Variants in GTF2H1 observed in about 807,000 individuals in gnomAD.
GTF2H1 encodes BTF2 p62.
In GTF2H1, 16 loss-of-function variants were observed where a neutral mutation model predicts 71.2. The ratio of observed to expected loss-of-function variants is 0.22; its 90% confidence interval spans 0.15 to 0.34. The LOEUF (loss-of-function observed/expected upper bound fraction) is 0.34, where lower values mean the gene tolerates loss of function less well. Among genes scored for constraint, GTF2H1 ranks in the 10% least tolerant of loss-of-function variants. GTF2H1 has a pLI of 1.00. For missense variants in GTF2H1, 498 were observed against 648.2 expected, an observed-to-expected ratio of 0.77 and a Z score of 2.52; for synonymous variants, 215 against 219.0, an observed-to-expected ratio of 0.98 and a Z score of 0.16.
intron 1 of GTF2H1, among the ~76,000 whole-genome samples, chr11:18,331,186 A>C (rs1864886744): frequency 6.6e-6 from 1 of 152,052 alleles, no homozygotes; most frequent in Non-Finnish European, 1.5e-5. Context: ...CATTCCAAGT[A>C]GCTGGGACTG....
rs11024628 is a variant in GTF2H1 at position 18,366,415 on chromosome 11, G to A, written c.*546G>A. ...TGAATTCCAATTATACCTTACATCAGCAAGTTAAAAAAAGTACTTTAAAAT... is the reference window on the plus strand; with the variant it reads ...TGAATTCCAATTATACCTTACATCAACAAGTTAAAAAAAGTACTTTAAAAT... On this transcript the variant is annotated 3_prime_UTR_variant, in exon 15 of 15. Coordinates refer to ENST00000265963, the MANE Select transcript of GTF2H1 (RefSeq NM_005316.4). 1 of 152,360 alleles carries A rather than the reference G, an allele frequency of 6.6e-6. No homozygotes were observed. Among genetic ancestry groups the A allele is most frequent in the African/African-American group, 2.4e-5 (1 of 41,370 alleles). The allele number at this position is 152,360 out of a possible 1,614,324, so 9.4% of individuals were successfully genotyped here.
intron 13 of GTF2H1, among the ~76,000 whole-genome samples, chr11:18,359,476 A>G (rs921845557): frequency 6.6e-6 from 1 of 152,234 alleles, no homozygotes; most frequent in African/African-American, 2.4e-5. Context: ...CAAGTAGCCA[A>G]GAGTCCTTTC....
intron 13 of GTF2H1, among the ~76,000 whole-genome samples, chr11:18,359,628 G>A (rs1485346324): frequency 2.0e-5 from 3 of 152,278 alleles, no homozygotes; most frequent in Non-Finnish European, 2.9e-5. Context: ...CTAAGATAGA[G>A]GAAATGGCCT....
At chr11:18,354,915 C>T (rs1329140062) in intron 11 of GTF2H1, among the ~76,000 whole-genome samples, 3 of 151,276 alleles carry the variant, frequency 2.0e-5, no homozygotes, top group Non-Finnish European at 2.9e-5. Context: ...CTCAAGCGAT[C>T]CTCCCACCTC....
intron 14 of GTF2H1, among the ~76,000 whole-genome samples, chr11:18,363,050 A>G (rs190529516): frequency 4.6e-5 from 7 of 152,074 alleles, no homozygotes; most frequent in African/African-American, 1.7e-4. Flanking sequence ...GCCTAGGCCT[A>G]CACAGAGTCA....
chr11:18,362,355 T>C (rs144963461), intron 14 of GTF2H1, among the ~76,000 whole-genome samples: 3 of 152,308 alleles, frequency 2.0e-5, no homozygotes, highest in African/African-American at 7.2e-5. Context: ...AGTGAGTGAA[T>C]GTGAAGGCCT....
chr11:18,356,840 A>C (rs1590198075), intron 11 of GTF2H1, among the ~76,000 whole-genome samples: 1 of 134,280 alleles, frequency 7.4e-6, no homozygotes, highest in African/African-American at 2.8e-5. Context: ...CCCAGGCTGG[A>C]GTGCAGTGAC....
intron 1 of GTF2H1, among the ~76,000 whole-genome samples, chr11:18,326,602 C>T (rs901443623): frequency 3.9e-5 from 6 of 151,974 alleles, no homozygotes; most frequent in African/African-American, 1.2e-4. Flanking sequence ...CAGTTTCTGT[C>T]TTCATGCATT....
chr11:18,328,263 C>A (rs972041070), intron 1 of GTF2H1, among the ~76,000 whole-genome samples: 2 of 149,894 alleles, frequency 1.3e-5, no homozygotes, highest in African/African-American at 4.9e-5. Flanking sequence ...GTAATCCCAG[C>A]ACTTTGGGAG....
At chr11:18,348,083 T>A in intron 9 of GTF2H1, 164 bp downstream of exon 9, 1 of 629,806 alleles carries the variant, frequency 1.6e-6, no homozygotes, top group Admixed American at 2.9e-5. Context: ...TTTCCCCAGC[T>A]TTGGCTTGCC....
At chr11:18,358,494 TTAACC>T in intron 12 of GTF2H1, 26 bp from the exon 13 acceptor site, 1 of 1,280,784 alleles carries the variant, frequency 7.8e-7, no homozygotes, top group Non-Finnish European at 1.1e-6. Context: ...AAAATAGCTC[TTAACC>T]TATGGGCCTT....
chr11:18,352,417 A>T lies in GTF2H1; in HGVS notation c.1231A>T (p.Met411Leu). The T allele has an allele frequency of 6.6e-7, 1 of 1,517,038 alleles. No homozygotes were observed. Among genetic ancestry groups the T allele is most frequent in the South Asian group, 1.1e-5 (1 of 89,024 alleles). 94.0% of individuals were successfully genotyped at this position (1,517,038 alleles called of 1,614,324 possible). A position where few individuals can be genotyped will look rare whatever the true frequency, so the allele number is the denominator to read the frequency against. ...INSFQSIRQEMEAYTPKLTQV... is the reference protein window; with the variant it reads ...INSFQSIRQELEAYTPKLTQV... ...TTCTTTTCAAAGTATTAGACAAGAA[A>T]TGGAAGCTTATACACCCAAGTTAAC... Residue 411 changes from methionine to leucine, a missense_variant, in exon 11 of 15, where the codon ATG (methionine) becomes TTG (leucine). By Grantham distance (15) the Met-to-Leu change is conservative. This residue lies in a region of GTF2H1 where 266 missense variants were observed against 301.6 expected (regional missense o/e 0.88). Transcript: ENST00000265963.
intron 11 of GTF2H1, among the ~76,000 whole-genome samples, chr11:18,355,515 A>G (rs1017305882): frequency 1.3e-5 from 2 of 150,536 alleles, no homozygotes; most frequent in Admixed American, 1.3e-4. Context: ...TTATTTATTT[A>G]TTTATTTCGA....
chr11:18,347,022 C>A (rs911753936), intron 7 of GTF2H1: 4 of 149,788 alleles, frequency 2.7e-5, no homozygotes, highest in Non-Finnish European at 5.9e-5. Flanking sequence ...TTACAGGTAT[C>A]CTGACTCTAT....
At chr11:18,323,148 C>G (rs1044091000) in intron 1 of GTF2H1, among the ~76,000 whole-genome samples, 5 of 152,170 alleles carry the variant, frequency 3.3e-5, no homozygotes, top group Non-Finnish European at 5.9e-5. Context: ...CTCTTAAAAA[C>G]CTTAACACGT....
chr11:18,338,408 T>G (rs1275550595), intron 4 of GTF2H1, 134 bp downstream of exon 4: 11 of 621,782 alleles, frequency 1.8e-5, no homozygotes, highest in Middle Eastern at 3.0e-4. Flanking sequence ...TCCATGGTAT[T>G]CTTCACTATT....
Position 18,341,513 on chromosome 11 carries a change from T to G in GTF2H1, c.758-15T>G, listed in dbSNP as rs1203626371. ...GATAAGACATGCTGAACTTTTTATTTTGTTGATTTTCTAGGCCTAAAAACA... is the reference window on the plus strand; with the variant it reads ...GATAAGACATGCTGAACTTTTTATTGTGTTGATTTTCTAGGCCTAAAAACA... On this transcript the variant is annotated splice_polypyrimidine_tract_variant and intron_variant, in intron 6 of 14. Transcript: ENST00000265963. 1.2e-6 allele frequency: 2 copies of G among 1,607,914 alleles called. No homozygotes were observed. Among genetic ancestry groups the G allele is most frequent in the Non-Finnish European group, 1.7e-6 (2 of 1,177,034 alleles).
At position 18,352,333 on chromosome 11, in the gene GTF2H1, T is replaced by A; in HGVS notation, c.1147T>A (p.Tyr383Asn). 1 of 1,389,472 alleles carries A rather than the reference T, an allele frequency of 7.2e-7. No homozygotes were observed. Among genetic ancestry groups the A allele is most frequent in the Non-Finnish European group, 1.0e-6 (1 of 977,868 alleles). 86.1% of individuals were successfully genotyped at this position (1,389,472 alleles called of 1,614,324 possible). A position where few individuals can be genotyped will look rare whatever the true frequency, so the allele number is the denominator to read the frequency against. Residue 383 changes from tyrosine to asparagine, a missense_variant, in exon 11 of 15, where the codon TAT becomes AAT. By Grantham distance (143) the Tyr-to-Asn change is moderately radical (BLOSUM62 -2). This residue lies in a region of GTF2H1 where 266 missense variants were observed against 301.6 expected (regional missense o/e 0.88). Transcript: ENST00000265963. ...TTCTTCTGTGCTAACCTGCAGGTAT[T>A]ATCATGGTCCAACTCCAATCCAGTC... ...ALNLKKSDRYYHGPTPIQSLQ... is the reference protein window; with the variant it reads ...ALNLKKSDRYNHGPTPIQSLQ...
chr11:18,341,240 T>A, intron 5 of GTF2H1, 21 bp from the exon 6 acceptor site: 1 of 1,594,776 alleles, frequency 6.3e-7, no homozygotes, highest in Non-Finnish European at 8.6e-7. Flanking sequence ...GTATATAATA[T>A]TTGTGGGTTT....
Sources: allele counts gnomAD v4.1 joint callset (sites outside exome capture counted in the v4.1 genomes callset), GRCh38; gene constraint gnomAD v4.1.1; regional missense constraint gnomAD v4.1.1; transcripts MANE v1.5; gene names NCBI Gene and HGNC (gene_info 2026-07-23, HGNC 2026-07-21).